KCND3: variants seen among roughly 807,000 people sequenced by gnomAD.
KCND3 encodes the protein potassium voltage-gated channel subfamily D member 3, also known as A-type voltage-gated potassium channel KCND3.
In KCND3, 9 loss-of-function variants were observed where a neutral mutation model predicts 51.1. The ratio of observed to expected loss-of-function variants is 0.18; its 90% CI spans 0.11 to 0.31. The LOEUF (loss-of-function observed/expected upper bound fraction) is 0.31, where lower values mean the gene tolerates loss of function less well. Among genes scored for constraint, KCND3 ranks in the 10% least tolerant of loss-of-function variants. The probability of loss-of-function intolerance (pLI) is 1.00; values close to 1 mark genes in which losing one functional copy is unlikely to be tolerated. For missense variants in KCND3, 526 were observed against 903.8 expected, an observed-to-expected ratio of 0.58 and a Z score of 5.36; for synonymous variants, 349 against 368.0, an observed-to-expected ratio of 0.95 and a Z score of 0.59.
At chr1:111,854,311 G>C (rs971617215) in intron 2 of KCND3, among the ~76,000 whole-genome samples, 6 of 152,284 alleles carry the variant, frequency 3.9e-5, no homozygotes, top group African/African-American at 1.4e-4. Flanking sequence ...AAACTAAAAA[G>C]TTTCATTGTT....
In KCND3 at chr1:111,943,344, C is replaced by A. The variant is rs1244281802; in HGVS notation, c.1106+38277G>T. On this transcript the variant is annotated intron_variant, in intron 2 of 7. Transcript: ENST00000302127. The stretch of plus-strand genomic sequence containing the variant: ...GCGCACCATGCCCAGCCTCACCCAG[C>A]CTGCAGCCCCAGCATCTCCTCAGAG... Among the ~76,000 whole-genome samples, 4 of 151,432 alleles carry A rather than the reference C, an allele frequency of 2.6e-5. No homozygotes were observed. The East Asian group carries it at 7.7e-4, about 29-fold the overall frequency.
At chr1:111,959,374 C>G (rs1673512680) in intron 2 of KCND3, among the ~76,000 whole-genome samples, 1 of 152,132 alleles carries the variant, frequency 6.6e-6, no homozygotes, top group Non-Finnish European at 1.5e-5. Context: ...AACATTCCAC[C>G]TCAAGCACTC....
At chr1:111,852,051 G>T (rs924356524) in intron 2 of KCND3, among the ~76,000 whole-genome samples, 1 of 152,190 alleles carries the variant, frequency 6.6e-6, no homozygotes, top group Non-Finnish European at 1.5e-5. Context: ...CACAAAATAC[G>T]TGGGTCACAG....
intron 2 of KCND3, among the ~76,000 whole-genome samples, chr1:111,846,002 ACAAT>A (rs1296072445): frequency 1.6e-4 from 24 of 152,268 alleles, no homozygotes; most frequent in African/African-American, 5.5e-4. Context: ...CCTTCCAGAT[ACAAT>A]CAGAGGCCTC....
At chr1:111,834,119 A>C (rs150738322) in intron 2 of KCND3, among the ~76,000 whole-genome samples, 1 of 152,312 alleles carries the variant, frequency 6.6e-6, no homozygotes, top group African/African-American at 2.4e-5. Context: ...CAGACCAAGG[A>C]TTTGACCAGT....
chr1:111,923,395 A>G (rs1380539604), intron 2 of KCND3, among the ~76,000 whole-genome samples: 1 of 152,218 alleles, frequency 6.6e-6, no homozygotes, highest in African/African-American at 2.4e-5. Context: ...ATGTGCCCCA[A>G]GATTGCCCTA....
intron 3 of KCND3, among the ~76,000 whole-genome samples, chr1:111,783,201 A>G (rs1262621176): frequency 1.1e-5 from 1 of 90,468 alleles, no homozygotes; most frequent in East Asian, 3.3e-4. Flanking sequence ...TTCAAAGACA[A>G]AAAAAAAAAA....
intron 2 of KCND3, among the ~76,000 whole-genome samples, chr1:111,885,018 T>C (rs1055139256): frequency 1.3e-5 from 2 of 152,150 alleles, no homozygotes; most frequent in Admixed American, 6.5e-5. Context: ...CAACCAAAAA[T>C]GTCTCCAGAC....
chr1:111,824,848 A>G (rs918926443), intron 2 of KCND3, among the ~76,000 whole-genome samples: 2 of 152,040 alleles, frequency 1.3e-5, no homozygotes, highest in African/African-American at 2.4e-5. Flanking sequence ...TCCTGCTGTT[A>G]TATATAAATC....
At position 111,868,237 on chromosome 1, in the gene KCND3, T is replaced by C. The variant is rs144624310; in HGVS notation, c.1107-81131A>G. ...AAACCTCATGCTGTCCTGCTCATGC[T>C]GTCTGGCTCCAACCTGCCCGGGATG... On this transcript the variant is annotated intron_variant, in intron 2 of 7. Transcript: ENST00000302127. Among the ~76,000 whole-genome samples, 44 of 152,344 alleles carry C rather than the reference T, an allele frequency of 2.9e-4. No individual in the cohort carries two copies. In the East Asian group the frequency reaches 5.8e-3, roughly 20 times the overall value.
chr1:111,985,582 T>A (rs1571947230), intron 1 of KCND3, among the ~76,000 whole-genome samples: 1 of 152,206 alleles, frequency 6.6e-6, no homozygotes, highest in Non-Finnish European at 1.5e-5. Context: ...TTTTTTCCCA[T>A]CAACTTTACT....
chr1:111,810,221 T>C (rs1665787715), intron 2 of KCND3, among the ~76,000 whole-genome samples: 1 of 152,242 alleles, frequency 6.6e-6, no homozygotes, highest in African/African-American at 2.4e-5. Context: ...CTGGCTTTTA[T>C]GTCCCTTCTT....
Position 111,911,396 on chromosome 1 carries a change from C to T in KCND3, c.1106+70225G>A, listed in dbSNP as rs116935109. On this transcript the variant is annotated intron_variant, in intron 2 of 7. Coordinates refer to ENST00000302127, the MANE Select transcript of KCND3 (RefSeq NM_001378969.1). ...AAGTATTTGTTGGGGCCTGGAGACC[C>T]TAGGACTTGCTAATCAGAATGGACC... Among the ~76,000 whole-genome samples the T allele has an allele frequency of 3.6e-4, 55 of 152,260 alleles. No homozygotes were observed. The East Asian group carries it at 9.3e-3, about 26-fold the overall frequency.
chr1:111,921,848 C>T (rs2101839273), intron 2 of KCND3, among the ~76,000 whole-genome samples: 1 of 152,220 alleles, frequency 6.6e-6, no homozygotes, highest in East Asian at 1.9e-4. Context: ...CTGGCCTTGC[C>T]TTTTCTAAAA....
At chr1:111,909,718 T>C (rs1670840827) in intron 2 of KCND3, 1 of 152,158 alleles carries the variant, frequency 6.6e-6, no homozygotes, top group Admixed American at 6.5e-5. Flanking sequence ...TGAAGCCTGG[T>C]AACAAACACA....
At chr1:111,778,535 T>G in intron 5 of KCND3, 43 bp from the exon 6 acceptor site, 1 of 1,582,822 alleles carries the variant, frequency 6.3e-7, no homozygotes, top group Non-Finnish European at 8.7e-7. Context: ...CACCATTGAT[T>G]GTACATTCCA....
At chr1:111,927,948 C>T (rs1204371482) in intron 2 of KCND3, among the ~76,000 whole-genome samples, 2 of 152,164 alleles carry the variant, frequency 1.3e-5, no homozygotes, top group Admixed American at 6.5e-5. Context: ...GAGTGGCTCA[C>T]TCCCTCAGCA....
intron 2 of KCND3, among the ~76,000 whole-genome samples, chr1:111,878,665 C>T (rs1669167729): frequency 6.6e-6 from 1 of 152,340 alleles, no homozygotes; most frequent in Admixed American, 6.5e-5. Context: ...ATTAGTGGAG[C>T]TAAGAGGATG....
At chr1:111,943,229 C>G (rs1014951294) in intron 2 of KCND3, among the ~76,000 whole-genome samples, 6 of 152,176 alleles carry the variant, frequency 3.9e-5, no homozygotes, top group African/African-American at 1.4e-4. Context: ...CCAGAGGACC[C>G]TGGCTGAATC....
Sources: allele counts gnomAD v4.1 joint callset (sites outside exome capture counted in the v4.1 genomes callset), GRCh38; gene constraint gnomAD v4.1.1; transcripts MANE v1.5; gene names NCBI Gene and HGNC (gene_info 2026-07-23, HGNC 2026-07-21).